Variants in SCFD2 observed in about 807,000 individuals in gnomAD.
The protein encoded by SCFD2 is sec1 family domain containing 2.
In SCFD2, 54 loss-of-function variants were observed where a neutral mutation model predicts 58.9. That is an observed-to-expected ratio of 0.92 (90% CI 0.74 to 1.15). The LOEUF is 1.15. Among genes scored for constraint, SCFD2 ranks in the 50% most tolerant of loss-of-function variants. SCFD2 has a pLI of 0.00. For synonymous variants in SCFD2, 321 were observed against 335.9 expected (o/e 0.96, Z 0.49); for missense variants, 805 against 836.6 (o/e 0.96, Z 0.47).
chr4:53,007,470 T>C (rs1330721142), intron 5 of SCFD2, among the ~76,000 whole-genome samples: 1 of 151,580 alleles, frequency 6.6e-6, no homozygotes, highest in Non-Finnish European at 1.5e-5. Context: ...AATTGTTGCT[T>C]TGAAAATTTA....
intron 5 of SCFD2, among the ~76,000 whole-genome samples, chr4:53,060,348 G>A (rs372395945): frequency 2.0e-5 from 3 of 152,058 alleles, no homozygotes; most frequent in Admixed American, 1.3e-4. Context: ...ATCCATGAAC[G>A]ACCTCCAAAT....
intron 4 of SCFD2, among the ~76,000 whole-genome samples, chr4:53,249,415 A>G (rs1025592876): frequency 1.3e-5 from 2 of 152,260 alleles, no homozygotes; most frequent in Non-Finnish European, 2.9e-5. Flanking sequence ...TCCCCAATCT[A>G]GCAAGGCAGG....
At chr4:53,271,109 A>G (rs928903377) in intron 4 of SCFD2, among the ~76,000 whole-genome samples, 1 of 152,128 alleles carries the variant, frequency 6.6e-6, no homozygotes, top group African/African-American at 2.4e-5. Context: ...GCCTCTTGAT[A>G]TATGTTTGTG....
chr4:53,183,215 C>T (rs915793538), intron 4 of SCFD2, among the ~76,000 whole-genome samples: 18 of 152,092 alleles, frequency 1.2e-4, no homozygotes, highest in African/African-American at 2.9e-4. Flanking sequence ...ATGTTTATAT[C>T]GGCACTATTC....
chr4:53,299,799 T>C (rs1189782809), intron 3 of SCFD2, among the ~76,000 whole-genome samples: 1 of 151,278 alleles, frequency 6.6e-6, no homozygotes, highest in Non-Finnish European at 1.5e-5. Context: ...TATTCAACAT[T>C]CTTAAAGAAA....
chr4:52,912,166 C>T (rs1577821314), intron 6 of SCFD2, among the ~76,000 whole-genome samples: 1 of 151,844 alleles, frequency 6.6e-6, no homozygotes, highest in South Asian at 2.1e-4. Context: ...TGAACACTGA[C>T]AAAAACAGGT....
intron 5 of SCFD2, among the ~76,000 whole-genome samples, chr4:53,114,128 T>C (rs1391017465): frequency 2.0e-5 from 3 of 152,102 alleles, no homozygotes; most frequent in African/African-American, 7.2e-5. Context: ...TATGAGACAA[T>C]AATTGTACAT....
At chr4:53,296,924 C>G (rs1404795689) in intron 3 of SCFD2, among the ~76,000 whole-genome samples, 1 of 152,148 alleles carries the variant, frequency 6.6e-6, no homozygotes, top group Non-Finnish European at 1.5e-5. Context: ...GGAGGTTGTT[C>G]AGTTTCCATG....
intron 5 of SCFD2, among the ~76,000 whole-genome samples, chr4:53,085,913 A>G (rs1724290599): frequency 6.6e-6 from 1 of 152,192 alleles, no homozygotes; most frequent in Non-Finnish European, 1.5e-5. Context: ...ACATAAATAT[A>G]AGACCTACAA....
At chr4:53,105,496 T>TCG in intron 5 of SCFD2, among the ~76,000 whole-genome samples, 1 of 152,108 alleles carries the variant, frequency 6.6e-6, no homozygotes. Flanking sequence ...TCGACCTTGG[T>TCG]CGGGGGAGGG....
chr4:53,020,411 A>G (rs1722318017), intron 5 of SCFD2, among the ~76,000 whole-genome samples: 1 of 152,228 alleles, frequency 6.6e-6, no homozygotes, highest in Non-Finnish European at 1.5e-5. Context: ...GTTGTTTTTT[A>G]GAAATAATTT....
At chr4:53,014,889 A>C (rs1394860997) in intron 5 of SCFD2, among the ~76,000 whole-genome samples, 1 of 152,198 alleles carries the variant, frequency 6.6e-6, no homozygotes, top group African/African-American at 2.4e-5. Flanking sequence ...TGGTTAGAGA[A>C]TCTCTATTTT....
chr4:52,877,610 A>C (rs1033079158), intron 8 of SCFD2, among the ~76,000 whole-genome samples: 1 of 152,198 alleles, frequency 6.6e-6, no homozygotes, highest in Admixed American at 6.5e-5. Context: ...AAAATATCTG[A>C]CACAATGACA....
chr4:53,036,345 G>A (rs1722759779), intron 5 of SCFD2, among the ~76,000 whole-genome samples: 1 of 151,558 alleles, frequency 6.6e-6, no homozygotes, highest in Admixed American at 6.6e-5. Flanking sequence ...TGCTTAGAAT[G>A]ATGGTTTCCA....
intron 2 of SCFD2, among the ~76,000 whole-genome samples, chr4:53,323,312 G>T (rs1733078999): frequency 6.6e-6 from 1 of 152,120 alleles, no homozygotes; most frequent in African/African-American, 2.4e-5. Context: ...TGATACTCTA[G>T]AACTACAGAA....
intron 5 of SCFD2, among the ~76,000 whole-genome samples, chr4:53,088,522 C>T (rs190857868): frequency 1.3e-5 from 2 of 152,324 alleles, no homozygotes; most frequent in East Asian, 1.9e-4. Context: ...CCTGGACTTA[C>T]ATGGGATTTG....
intron 5 of SCFD2, among the ~76,000 whole-genome samples, chr4:53,035,615 C>A (rs781670508): frequency 3.6e-4 from 55 of 151,882 alleles, no homozygotes; most frequent in Admixed American, 1.1e-3. Flanking sequence ...CAAAGAACTT[C>A]AACAAATTTA....
chr4:53,284,149 G>C (rs560467938), intron 3 of SCFD2, among the ~76,000 whole-genome samples: 1 of 148,830 alleles, frequency 6.7e-6, no homozygotes, highest in Non-Finnish European at 1.5e-5. Context: ...ATGTAATGAA[G>C]CATTACATGC....
intron 5 of SCFD2, among the ~76,000 whole-genome samples, chr4:53,117,660 C>G (rs780759705): frequency 1.3e-5 from 2 of 152,144 alleles, no homozygotes; most frequent in Non-Finnish European, 2.9e-5. Flanking sequence ...TGTGGGCAGA[C>G]CAGGAGTTTT....
Sources: allele counts gnomAD v4.1 joint callset (sites outside exome capture counted in the v4.1 genomes callset), GRCh38; gene constraint gnomAD v4.1.1; transcripts MANE v1.5; gene names NCBI Gene and HGNC (gene_info 2026-07-23, HGNC 2026-07-21).